The following RNGTT variants were observed in gnomAD, a reference collection of about 807,000 sequenced individuals.
RNGTT encodes mRNA-capping enzyme.
RNGTT carries 33 observed loss-of-function variants against 79.3 expected under a neutral mutation model. The ratio of observed to expected loss-of-function variants is 0.42; its 90% CI spans 0.32 to 0.56. The LOEUF is 0.56. Among genes scored for constraint, RNGTT ranks in the 20% least tolerant of loss-of-function variants. The pLI is 0.17. For synonymous variants in RNGTT, 222 were observed against 235.9 expected (o/e 0.94, Z 0.54); for missense variants, 497 against 739.1 (o/e 0.67, Z 3.80).
At chr6:88,932,191 A>C (rs757385112) in intron 2 of RNGTT, among the ~76,000 whole-genome samples, 1 of 152,184 alleles carries the variant, frequency 6.6e-6, no homozygotes, top group African/African-American at 2.4e-5. Context: ...CTGCAGTTGC[A>C]GATAAGGGAT....
chr6:88,865,788 A>C (rs925233139), intron 8 of RNGTT, among the ~76,000 whole-genome samples: 5 of 152,130 alleles, frequency 3.3e-5, no homozygotes, highest in African/African-American at 1.2e-4. Flanking sequence ...ATATACCAAA[A>C]GAATTTCTTA....
At chr6:88,709,710 T>C (rs1378246480) in intron 13 of RNGTT, among the ~76,000 whole-genome samples, 4 of 152,250 alleles carry the variant, frequency 2.6e-5, no homozygotes, top group Non-Finnish European at 5.9e-5. Context: ...CTTCAAAATG[T>C]GGTGTGTTAT....
intron 11 of RNGTT, among the ~76,000 whole-genome samples, chr6:88,843,062 G>T (rs1781351485): frequency 6.6e-6 from 1 of 150,804 alleles, no homozygotes; most frequent in African/African-American, 2.4e-5. Flanking sequence ...GCAAGAGTGA[G>T]ACCCTGCCTC....
At chr6:88,752,008 T>C (rs1267335664) in intron 13 of RNGTT, among the ~76,000 whole-genome samples, 3 of 152,056 alleles carry the variant, frequency 2.0e-5, no homozygotes, top group Admixed American at 1.3e-4. Flanking sequence ...ACCTCTTCCA[T>C]ACCCTCCCCC....
intron 13 of RNGTT, among the ~76,000 whole-genome samples, chr6:88,761,576 A>G (rs1778257472): frequency 6.6e-6 from 1 of 152,104 alleles, no homozygotes; most frequent in Non-Finnish European, 1.5e-5. Flanking sequence ...TTGCAATACT[A>G]CTACAACCAT....
chr6:88,913,176 G>A (rs1783883152), intron 4 of RNGTT, among the ~76,000 whole-genome samples: 1 of 146,386 alleles, frequency 6.8e-6, no homozygotes, highest in Non-Finnish European at 1.5e-5. Flanking sequence ...CTGCACTCCA[G>A]CCTGGCCAGT....
intron 4 of RNGTT, among the ~76,000 whole-genome samples, chr6:88,927,871 T>C (rs924682460): frequency 6.6e-6 from 1 of 150,384 alleles, no homozygotes; most frequent in Non-Finnish European, 1.5e-5. Flanking sequence ...AACTTTACAT[T>C]GCATCCTCAA....
intron 1 of RNGTT, among the ~76,000 whole-genome samples, chr6:88,951,677 A>T (rs1292190100): frequency 1.3e-5 from 2 of 152,136 alleles, no homozygotes; most frequent in Non-Finnish European, 2.9e-5. Flanking sequence ...CAGGAGAAGG[A>T]TTTAATCTTA....
chr6:88,678,149 G>C, intron 14 of RNGTT: 1 of 1,085,770 alleles, frequency 9.2e-7, no homozygotes, highest in South Asian at 2.5e-5. Context: ...ACTGAACTTG[G>C]CTAATGACAA....
intron 14 of RNGTT, among the ~76,000 whole-genome samples, chr6:88,619,177 T>A (rs1160246677): frequency 2.0e-5 from 3 of 152,102 alleles, no homozygotes; most frequent in Non-Finnish European, 4.4e-5. Flanking sequence ...TTTCTTTTTT[T>A]TTTTCTGAGA....
intron 12 of RNGTT, among the ~76,000 whole-genome samples, chr6:88,775,381 C>A (rs536473018): frequency 2.0e-5 from 3 of 152,254 alleles, no homozygotes; most frequent in Admixed American, 1.3e-4. Flanking sequence ...CTTTAACCTA[C>A]ATCTCCCCAA....
chr6:88,698,213 T>TATATATGAA (rs1562202076), intron 13 of RNGTT, among the ~76,000 whole-genome samples: 1 of 100,900 alleles, frequency 9.9e-6, no homozygotes, highest in African/African-American at 5.6e-5. Flanking sequence ...ATATATGAAA[T>TATATATGAA]ATATATATCA....
intron 2 of RNGTT, among the ~76,000 whole-genome samples, chr6:88,935,514 G>C (rs1162734365): frequency 6.6e-6 from 1 of 152,114 alleles, no homozygotes; most frequent in African/African-American, 2.4e-5. Context: ...AGGAGTTCAA[G>C]ACCAGCCTAG....
intron 14 of RNGTT, among the ~76,000 whole-genome samples, chr6:88,675,886 G>C (rs1774857152): frequency 6.6e-6 from 1 of 152,094 alleles, no homozygotes; most frequent in Non-Finnish European, 1.5e-5. Context: ...CCAATATACT[G>C]AAAGCAACGA....
At chr6:88,905,349 T>C (rs1047378395) in intron 5 of RNGTT, among the ~76,000 whole-genome samples, 1 of 151,912 alleles carries the variant, frequency 6.6e-6, no homozygotes, top group African/African-American at 2.4e-5. Context: ...GCACTAAGAG[T>C]CTAGATCATC....
At chr6:88,794,331 T>G (rs776706160) in intron 12 of RNGTT, among the ~76,000 whole-genome samples, 8 of 152,268 alleles carry the variant, frequency 5.3e-5, no homozygotes, top group African/African-American at 9.6e-5. Flanking sequence ...GGAAAAAAGA[T>G]AACAGCATAA....
At position 88,763,882 on chromosome 6, in the gene RNGTT, C is replaced by A. The variant is rs538841427; in HGVS notation, c.1439+5892G>T. Among the ~76,000 whole-genome samples, 39 of 152,282 alleles carry A rather than the reference C, an allele frequency of 2.6e-4. No individual in the cohort carries two copies. In the South Asian group the frequency reaches 7.9e-3, roughly 31 times the overall value. ...CACTGTGGATTTTGAAGCAGTACTC[C>A]AACTCATTGACCAAGGAACCTGTTA... On this transcript the variant is annotated intron_variant, in intron 13 of 15. Transcript: ENST00000369485.
rs200912530 is a variant in RNGTT at position 88,840,796 on chromosome 6, AAACTACAT to A, written c.1269+3553_1269+3560del. ...GTAAGAACACTGTCTTTCTAGTGAA[AAACTACAT>A]AACAAGTTGTTCCACATAATTGTTT... On this transcript the variant is annotated intron_variant, in intron 11 of 15. Transcript: ENST00000369485. Among the ~76,000 whole-genome samples the A allele has an allele frequency of 4.6e-3, 694 of 152,342 alleles. 4 individuals carry two copies. The highest frequency in any genetic ancestry group is 0.015 in the African/African-American group (638 of 41,578).
intron 6 of RNGTT, among the ~76,000 whole-genome samples, chr6:88,895,229 CTGTGTGTGTGTGTGTG>C (rs5878081): frequency 8.3e-5 from 12 of 145,104 alleles, no homozygotes; most frequent in African/African-American, 2.8e-4. Flanking sequence ...AGAGAGAGCT[CTGTGTGTGTGTGTGTG>C]TGTGTGTGTG....
Sources: allele counts gnomAD v4.1 joint callset (sites outside exome capture counted in the v4.1 genomes callset), GRCh38; gene constraint gnomAD v4.1.1; transcripts MANE v1.5; gene names NCBI Gene and HGNC (gene_info 2026-07-23, HGNC 2026-07-21).